The following VANGL1 variants were observed in gnomAD, a reference collection of about 807,000 sequenced individuals.
The protein encoded by VANGL1 is vang-like protein 1.
Under a neutral mutation model 48.4 loss-of-function variants are expected in VANGL1, and 18 were observed. The observed-to-expected ratio is 0.37, with a 90% CI of 0.26 to 0.55. The LOEUF is 0.55. Among genes scored for constraint, VANGL1 ranks in the 20% least tolerant of loss-of-function variants. VANGL1 has a pLI of 0.81. For missense variants in VANGL1, 667 were observed against 675.8 expected, an observed-to-expected ratio of 0.99 and a Z score of 0.14; for synonymous variants, 257 against 261.8, an observed-to-expected ratio of 0.98 and a Z score of 0.18.
chr1:115,660,022 C>T (rs931040783), intron 3 of VANGL1, among the ~76,000 whole-genome samples: 3 of 151,984 alleles, frequency 2.0e-5, no homozygotes, highest in Admixed American at 1.3e-4. Context: ...GCAAGGTTGA[C>T]GACAGGGTTG....
intron 6 of VANGL1, among the ~76,000 whole-genome samples, chr1:115,684,999 G>A (rs1187624632): frequency 6.6e-6 from 1 of 152,204 alleles, no homozygotes; most frequent in Non-Finnish European, 1.5e-5. Flanking sequence ...AAAAGGACTA[G>A]TGCATTTCCC....
intron 2 of VANGL1, among the ~76,000 whole-genome samples, chr1:115,653,068 G>A (rs1377963884): frequency 6.6e-6 from 1 of 152,212 alleles, no homozygotes; most frequent in Non-Finnish European, 1.5e-5. Context: ...TAGTTACATA[G>A]ACATATGATG....
chr1:115,676,572 C>T (rs1158512645), intron 4 of VANGL1, among the ~76,000 whole-genome samples: 2 of 152,248 alleles, frequency 1.3e-5, no homozygotes, highest in Non-Finnish European at 1.5e-5. Context: ...CAGACCTAAA[C>T]CAGGCAGGCT....
At chr1:115,677,046 T>C (rs1391174933) in intron 4 of VANGL1, among the ~76,000 whole-genome samples, 2 of 152,216 alleles carry the variant, frequency 1.3e-5, no homozygotes, top group African/African-American at 4.8e-5. Context: ...AGTTGCACTG[T>C]GCGTGCCTCC....
intron 2 of VANGL1, 49 bp from the exon 3 acceptor site, chr1:115,659,592 A>G (rs958695929): frequency 6.2e-7 from 1 of 1,613,100 alleles, no homozygotes; most frequent in African/African-American, 1.3e-5. Flanking sequence ...ATAAACCCAG[A>G]GAGTTAATTA....
intron 3 of VANGL1, among the ~76,000 whole-genome samples, chr1:115,663,326 T>C (rs952656649): frequency 6.6e-6 from 1 of 152,186 alleles, no homozygotes; most frequent in Non-Finnish European, 1.5e-5. Flanking sequence ...GGGTTGCGCA[T>C]TGCAGGGCAA....
At chr1:115,685,899 T>G (rs959286529) in intron 7 of VANGL1, among the ~76,000 whole-genome samples, 3 of 152,132 alleles carry the variant, frequency 2.0e-5, no homozygotes, top group Non-Finnish European at 2.9e-5. Context: ...AATAGCTCTG[T>G]GCCTCAGTTT....
At position 115,667,969 on chromosome 1, in the gene VANGL1, T is replaced by A. The variant is rs182320873; in HGVS notation, c.812+3701T>A. Among the ~76,000 whole-genome samples the A allele has an allele frequency of 2.6e-5, 4 of 152,318 alleles. No individual in the cohort carries two copies. In the East Asian group the frequency reaches 7.7e-4, roughly 29 times the overall value. ...AGACAGATAAAGAAAACCTTAACAA[T>A]AAACAATTACATAGTCTTACTGGGA... On this transcript the variant is annotated intron_variant, in intron 4 of 7. Coordinates refer to ENST00000355485, the MANE Select transcript of VANGL1 (RefSeq NM_138959.3).
chr1:115,676,237 C>A (rs2101020105), intron 4 of VANGL1, among the ~76,000 whole-genome samples: 1 of 152,280 alleles, frequency 6.6e-6, no homozygotes, highest in South Asian at 2.1e-4. Context: ...CTTCTGGAAT[C>A]TAGTACTCCT....
chr1:115,669,157 A>C (rs1333170244), intron 4 of VANGL1, among the ~76,000 whole-genome samples: 1 of 152,208 alleles, frequency 6.6e-6, no homozygotes, highest in Non-Finnish European at 1.5e-5. Flanking sequence ...AGGTATATGA[A>C]CATCAATGAA....
intron 3 of VANGL1, among the ~76,000 whole-genome samples, chr1:115,662,440 C>G (rs1368990634): frequency 6.6e-6 from 1 of 152,228 alleles, no homozygotes; most frequent in Non-Finnish European, 1.5e-5. Flanking sequence ...GCGCCTTGCT[C>G]TTATTGCTTC....
At chr1:115,652,375 C>G (rs969075753) in intron 2 of VANGL1, among the ~76,000 whole-genome samples, 7 of 152,146 alleles carry the variant, frequency 4.6e-5, no homozygotes, top group African/African-American at 1.7e-4. Context: ...AATCAGTGAA[C>G]AGATAGGTGG....
At chr1:115,673,450 A>G (rs1484498113) in intron 4 of VANGL1, among the ~76,000 whole-genome samples, 1 of 152,034 alleles carries the variant, frequency 6.6e-6, no homozygotes, top group East Asian at 1.9e-4. Context: ...GCTCCCCGCA[A>G]AGCCTCTAGG....
chr1:115,691,511 A>T lies in VANGL1; in HGVS notation c.*132A>T. ...TGAAACTGGCAGATGATTGACCAGT[A>T]TCCTTTGACCATCTGCACTTTATTT... On this transcript the variant is annotated 3_prime_UTR_variant, in exon 8 of 8. Transcript: ENST00000355485. 1 of 1,041,924 alleles carries T rather than the reference A, an allele frequency of 9.6e-7. No homozygotes were observed. Among genetic ancestry groups the T allele is most frequent in the Non-Finnish European group, 1.4e-6 (1 of 739,724 alleles). 64.5% of individuals were successfully genotyped at this position (1,041,924 alleles called of 1,614,324 possible).
chr1:115,645,047 G>A (rs376279006), intron 1 of VANGL1, among the ~76,000 whole-genome samples: 12 of 152,216 alleles, frequency 7.9e-5, no homozygotes, highest in African/African-American at 2.9e-4. Context: ...TGGTTTATAG[G>A]CCACAAGTTC....
chr1:115,655,266 C>T (rs1023780971), intron 2 of VANGL1, among the ~76,000 whole-genome samples: 2 of 152,154 alleles, frequency 1.3e-5, no homozygotes, highest in African/African-American at 2.4e-5. Context: ...AATAGGCAAA[C>T]AACAGAAACA....
At chr1:115,642,516 C>T (rs887055237) in intron 1 of VANGL1, 1 of 152,180 alleles carries the variant, frequency 6.6e-6, no homozygotes, top group South Asian at 2.1e-4. Flanking sequence ...CTGCAGCAGC[C>T]GTGCAGGGCG....
At chr1:115,681,510 TTG>T (rs1265283531) in intron 4 of VANGL1, among the ~76,000 whole-genome samples, 6 of 144,604 alleles carry the variant, frequency 4.1e-5, no homozygotes, top group African/African-American at 1.3e-4. Flanking sequence ...GTTGTTTTTT[TTG>T]TTTTTTTTTT....
intron 2 of VANGL1, among the ~76,000 whole-genome samples, chr1:115,655,368 C>A (rs1652305557): frequency 6.6e-6 from 1 of 152,190 alleles, no homozygotes; most frequent in South Asian, 2.1e-4. Context: ...GTGACAGCAA[C>A]CCCCAAGGGC....
Sources: allele counts gnomAD v4.1 joint callset (sites outside exome capture counted in the v4.1 genomes callset), GRCh38; gene constraint gnomAD v4.1.1; transcripts MANE v1.5; gene names NCBI Gene and HGNC (gene_info 2026-07-23, HGNC 2026-07-21).